Variants in ZNF782 observed in about 807,000 individuals in gnomAD.
ZNF782 encodes zinc finger protein 782.
Under a neutral mutation model 13.0 loss-of-function variants are expected in ZNF782, and 12 were observed. That is an observed-to-expected ratio of 0.92 (90% confidence interval 0.59 to 1.50). The LOEUF (loss-of-function observed/expected upper bound fraction) is 1.50. Among genes scored for constraint, ZNF782 ranks in the 40% most tolerant of loss-of-function variants. The pLI, the probability that ZNF782 is intolerant of heterozygous loss-of-function variation, is 0.00. For synonymous variants in ZNF782, 284 were observed against 283.0 expected, an observed-to-expected ratio of 1.00 and a Z score of -0.04; for missense variants, 770 against 822.9, an observed-to-expected ratio of 0.94 and a Z score of 0.79.
chr9:96,836,082 C>A (rs1588158520), intron 4 of ZNF782, among the ~76,000 whole-genome samples: 1 of 152,216 alleles, frequency 6.6e-6, no homozygotes, highest in African/African-American at 2.4e-5. Flanking sequence ...GGCTACTCCT[C>A]ACACCAGTGT....
At chr9:96,863,458 T>A (rs2118866193) in intron 1 of ZNF782, among the ~76,000 whole-genome samples, 1 of 152,304 alleles carries the variant, frequency 6.6e-6, no homozygotes, top group African/African-American at 2.4e-5. Context: ...GGTGTGGGGA[T>A]TCTTTGAAGA....
At chr9:96,928,550 CCT>C in the ZNF782 span, 1 of 193,190 alleles carries the variant, frequency 5.2e-6, no homozygotes, top group Non-Finnish European at 9.1e-6. Context: ...AAGTGTGGCC[CCT>C]GTTGAAATTC....
chr9:96,825,719 C>A (rs1850593779), intron 5 of ZNF782, among the ~76,000 whole-genome samples: 1 of 152,038 alleles, frequency 6.6e-6, no homozygotes, highest in Non-Finnish European at 1.5e-5. Context: ...AAAAACAACC[C>A]CATCAAAAAG....
chr9:96,911,287 A>G, the ZNF782 span, among the ~76,000 whole-genome samples: 9 of 143,746 alleles, frequency 6.3e-5, no homozygotes, highest in African/African-American at 1.0e-4. Context: ...AAAATACAAA[A>G]AATTAGCTGG....
chr9:96,918,418 A>C, the ZNF782 span, among the ~76,000 whole-genome samples: 16 of 151,484 alleles, frequency 1.1e-4, no homozygotes, highest in African/African-American at 3.9e-4. Context: ...CAAAAAAAAA[A>C]AAAAAGCCCA....
intron 1 of ZNF782, among the ~76,000 whole-genome samples, chr9:96,862,703 A>G (rs1851714379): frequency 6.6e-6 from 1 of 152,242 alleles, no homozygotes; most frequent in Non-Finnish European, 1.5e-5. Flanking sequence ...AGCAAAGGAC[A>G]TAACAGCAAA....
chr9:96,924,079 G>A, the ZNF782 span, among the ~76,000 whole-genome samples: 1 of 151,380 alleles, frequency 6.6e-6, no homozygotes, highest in South Asian at 2.1e-4. Flanking sequence ...GAAGTGATCC[G>A]CCCACCTCAG....
In ZNF782 at chr9:96,844,955, C is replaced by T; in HGVS notation, c.77G>A (p.Gly26Asp). The T allele has an allele frequency of 1.2e-6, 2 of 1,613,934 alleles. No individual in the cohort carries two copies. Among genetic ancestry groups the T allele is most frequent in the Non-Finnish European group, 8.5e-7 (1 of 1,179,926 alleles). Residue 26 changes from glycine (G) to aspartate (D), a missense_variant, in exon 4 of 6, where the codon GGC becomes GAC. Transcript: ENST00000481138. The part of the protein sequence containing the change: ...EFSQEEWQHM[G>D]PVERTLYRDV... ...TCTGTACAGGGTCCTCTCAACAGGG[C>T]CCATGTGCTGCCACTCCTCCTGGCT...
the ZNF782 span, among the ~76,000 whole-genome samples, chr9:96,910,943 T>C: frequency 6.7e-6 from 1 of 149,834 alleles, no homozygotes; most frequent in African/African-American, 2.4e-5. Context: ...GCCTGCTTTT[T>C]TTCTTAAAAG....
At chr9:96,858,354 A>C (rs954711254), upstream of ZNF782, among the ~76,000 whole-genome samples, 3 of 152,158 alleles carry the variant, frequency 2.0e-5, no homozygotes, top group African/African-American at 4.8e-5. The surrounding 1 kb of genome is among the most constrained non-coding windows in gnomAD (Gnocchi z 4.4). Flanking sequence ...CACCTCACTC[A>C]AGAGCTTCCT....
intron 4 of ZNF782, among the ~76,000 whole-genome samples, chr9:96,835,857 A>C (rs892400370): frequency 2.0e-5 from 3 of 152,188 alleles, no homozygotes; most frequent in African/African-American, 7.2e-5. Context: ...CCAAGCAAAA[A>C]TTTGGGTTAG....
chr9:96,914,410 G>A, the ZNF782 span, among the ~76,000 whole-genome samples: 9,855 of 151,510 alleles, frequency 0.065, 803 homozygotes, highest in African/African-American at 0.22. Flanking sequence ...GTGAGCCACC[G>A]CGCCCGGCCC....
At position 96,867,606 on chromosome 9, in the gene ZNF782, G is replaced by A. The variant is rs183492732; in HGVS notation, c.-456-6003C>T. On this transcript the variant is annotated intron_variant, in intron 1 of 5. Coordinates refer to the ZNF782 transcript ENST00000498811. ...CAAGATGTCTCTCTTTGATCTTTCCGCTTTCCTAAGTTTAAAGAGTTTTAC... is the reference window on the plus strand; with the variant it reads ...CAAGATGTCTCTCTTTGATCTTTCCACTTTCCTAAGTTTAAAGAGTTTTAC... Among the ~76,000 whole-genome samples the A allele has an allele frequency of 2.4e-3, 371 of 152,244 alleles. 1 individual carries two copies. The highest frequency in any genetic ancestry group is 8.2e-3 in the African/African-American group (340 of 41,538).
Position 96,818,357 on chromosome 9 carries a change from G to T in ZNF782, c.1666C>A (p.His556Asn). 6.2e-7 allele frequency: 1 copy of T among 1,614,090 alleles called. No individual in the cohort carries two copies. Among genetic ancestry groups the T allele is most frequent in the East Asian group, 2.2e-5 (1 of 44,866 alleles). ...CATTTATAGGGTTTTTCCCCTGTGT[G>T]AATTCTATGATGTCCTCTGAGTTGT... The part of the protein sequence containing the change: ...KSQLRGHHRI[H>N]TGEKPYKCNH... The change falls in exon 6 of 6, where the codon CAC (histidine) becomes AAC (asparagine). Residue 556 changes from histidine (H) to asparagine (N), a missense_variant. Coordinates refer to ENST00000481138, the MANE Select transcript of ZNF782 (RefSeq NM_001001662.3).
intron 5 of ZNF782, among the ~76,000 whole-genome samples, chr9:96,823,367 A>G (rs1408418896): frequency 6.6e-6 from 1 of 152,210 alleles, no homozygotes; most frequent in Non-Finnish European, 1.5e-5. Flanking sequence ...ATGTGACCTA[A>G]TATGTTTCCA....
chr9:96,905,784 C>T, the ZNF782 span, among the ~76,000 whole-genome samples: 1 of 152,376 alleles, frequency 6.6e-6, no homozygotes, highest in Non-Finnish European at 1.5e-5. Context: ...CAGGGTTTCA[C>T]CATGTTGGCC....
chr9:96,835,531 C>G (rs1308467199), intron 4 of ZNF782, among the ~76,000 whole-genome samples: 2 of 152,194 alleles, frequency 1.3e-5, no homozygotes, highest in African/African-American at 4.8e-5. Context: ...AAGGGCCAGG[C>G]TGCTGCACTT....
At chr9:96,871,195 A>C (rs572834529) in intron 1 of ZNF782, among the ~76,000 whole-genome samples, 1 of 152,210 alleles carries the variant, frequency 6.6e-6, no homozygotes, top group Non-Finnish European at 1.5e-5. Flanking sequence ...GCTTTAACAT[A>C]GTATGCTTGT....
At chr9:96,822,240 A>G in intron 5 of ZNF782, among the ~76,000 whole-genome samples, 1 of 152,050 alleles carries the variant, frequency 6.6e-6, no homozygotes, top group East Asian at 1.9e-4. Flanking sequence ...AATATGAAAC[A>G]CCTCTCCCGA....
Sources: gnomAD v4.1 joint callset for allele counts (sites outside exome capture counted in the v4.1 genomes callset) on GRCh38, gnomAD v4.1.1 for gene constraint, Gnocchi (gnomAD v3.1) non-coding constraint, MANE v1.5 for transcripts, NCBI Gene and HGNC (gene_info 2026-07-23, HGNC 2026-07-21) for gene names.